The following ASAP1 variants were observed in gnomAD, a reference collection of about 807,000 sequenced individuals.
The protein encoded by ASAP1 is arf-GAP with SH3 domain, ANK repeat and PH domain-containing protein 1.
In ASAP1, 43 loss-of-function variants were observed where a neutral mutation model predicts 145.2. The ratio of observed to expected loss-of-function variants is 0.30; its 90% confidence interval spans 0.23 to 0.38. The LOEUF (loss-of-function observed/expected upper bound fraction) is 0.38. Among genes scored for constraint, ASAP1 ranks in the 10% least tolerant of loss-of-function variants. The pLI is 1.00. For synonymous variants in ASAP1, 546 were observed against 515.5 expected (o/e 1.06, Z -0.80); for missense variants, 1,018 against 1,355.3 (o/e 0.75, Z 3.91).
At chr8:130,102,231 G>A (rs563614027) in intron 24 of ASAP1, among the ~76,000 whole-genome samples, 2 of 152,288 alleles carry the variant, frequency 1.3e-5, no homozygotes, top group East Asian at 3.9e-4. Context: ...TTAGATGTGA[G>A]TTTGTCACAT....
Position 130,357,905 on chromosome 8 carries a change from G to C in ASAP1, c.186+112C>G. ...TATTCACCCGGCGGCTCCCTGAGGGGGTGTGGCGCCCCCGGCCCCCGCGTC... is the reference window on the plus strand; with the variant it reads ...TATTCACCCGGCGGCTCCCTGAGGGCGTGTGGCGCCCCCGGCCCCCGCGTC... On this transcript the variant is annotated intron_variant, in intron 3 of 29. Coordinates refer to ENST00000518721, the MANE Select transcript of ASAP1 (RefSeq NM_018482.4). 4.9e-6 allele frequency: 7 copies of C among 1,418,630 alleles called. No homozygotes were observed. In the South Asian group the frequency reaches 9.1e-5, roughly 18 times the overall value. 87.9% of individuals were successfully genotyped at this position (1,418,630 alleles called of 1,614,324 possible).
chr8:130,241,557 T>A (rs1040118417), intron 3 of ASAP1, among the ~76,000 whole-genome samples: 2 of 152,090 alleles, frequency 1.3e-5, no homozygotes, highest in Non-Finnish European at 2.9e-5. Flanking sequence ...AACAGAGAAG[T>A]AGGCAACATA....
chr8:130,330,300 C>G (rs2137779692), intron 3 of ASAP1, among the ~76,000 whole-genome samples: 1 of 152,366 alleles, frequency 6.6e-6, no homozygotes, highest in South Asian at 2.1e-4. Context: ...TGTCCTCTGC[C>G]TGAAATGTTC....
intron 14 of ASAP1, 52 bp downstream of exon 14, chr8:130,136,899 T>C: frequency 6.9e-7 from 1 of 1,444,792 alleles, no homozygotes; most frequent in Non-Finnish European, 9.8e-7. Flanking sequence ...AATGGAAATG[T>C]GCAGGTGTCA....
At chr8:130,099,100 T>C (rs1303123376) in intron 24 of ASAP1, among the ~76,000 whole-genome samples, 1 of 150,178 alleles carries the variant, frequency 6.7e-6, no homozygotes, top group Non-Finnish European at 1.5e-5. Context: ...AGCCTCAACT[T>C]CCGGGGCTCT....
intron 1 of ASAP1, among the ~76,000 whole-genome samples, chr8:130,441,194 G>A (rs1454933475): frequency 6.6e-6 from 1 of 152,204 alleles, no homozygotes; most frequent in Non-Finnish European, 1.5e-5. Flanking sequence ...CCTCCCACAG[G>A]GAAGCCACTT....
chr8:130,340,943 G>C (rs1825339036), intron 3 of ASAP1: 1 of 449,028 alleles, frequency 2.2e-6, no homozygotes, highest in African/African-American at 2.0e-5. Context: ...TAAAATACTA[G>C]GTTTTTTTTT....
chr8:130,191,187 G>C (rs1815115535), intron 5 of ASAP1, among the ~76,000 whole-genome samples: 1 of 152,102 alleles, frequency 6.6e-6, no homozygotes, highest in Non-Finnish European at 1.5e-5. Context: ...TGGCAGGAGG[G>C]AACCAAGGGA....
chr8:130,230,803 G>A (rs984620892), intron 4 of ASAP1, among the ~76,000 whole-genome samples: 9 of 152,108 alleles, frequency 5.9e-5, no homozygotes, highest in African/African-American at 2.2e-4. Context: ...CTAGAGACAA[G>A]CTGCTTTTGT....
rs549799324 is a variant in ASAP1 at position 130,330,427 on chromosome 8, G to A, written c.186+27590C>T. On this transcript the variant is annotated intron_variant, in intron 3 of 29. Transcript: ENST00000518721. The stretch of plus-strand genomic sequence containing the variant: ...AATCTGAATTATCACAGCTCTGACC[G>A]GTCTATGCTATATTGCAGCTAACCT... Among the ~76,000 whole-genome samples, 63 of 152,318 alleles carry A rather than the reference G, an allele frequency of 4.1e-4. 1 individual carries two copies. In the South Asian group the frequency reaches 9.1e-3, roughly 22 times the overall value.
At chr8:130,139,094 G>A (rs1372589181) in intron 13 of ASAP1, among the ~76,000 whole-genome samples, 1 of 152,168 alleles carries the variant, frequency 6.6e-6, no homozygotes, top group African/African-American at 2.4e-5. Flanking sequence ...TTCCAATTAG[G>A]AAACCACATT....
chr8:130,419,141 C>T (rs1829612379), intron 1 of ASAP1, among the ~76,000 whole-genome samples: 3 of 152,136 alleles, frequency 2.0e-5, no homozygotes, highest in South Asian at 2.1e-4. Flanking sequence ...AGAAAAAAAC[C>T]GAGGCTTCAG....
At chr8:130,145,970 G>A (rs2097628605) in intron 13 of ASAP1, among the ~76,000 whole-genome samples, 1 of 150,984 alleles carries the variant, frequency 6.6e-6, no homozygotes, top group South Asian at 2.1e-4. Context: ...GCCTCCCAAG[G>A]AGCTGGTACA....
intron 3 of ASAP1, among the ~76,000 whole-genome samples, chr8:130,353,715 C>T (rs1163369242): frequency 1.3e-5 from 2 of 152,076 alleles, no homozygotes; most frequent in African/African-American, 4.8e-5. Flanking sequence ...ATTAGAAATA[C>T]AAAAATTAGC....
chr8:130,224,042 T>G (rs1481297836), intron 4 of ASAP1, among the ~76,000 whole-genome samples: 1 of 152,202 alleles, frequency 6.6e-6, no homozygotes, highest in Non-Finnish European at 1.5e-5. Context: ...TGTTTTTCAC[T>G]CTCTTCTTAG....
At position 130,181,103 on chromosome 8, in the gene ASAP1, C is replaced by T. The variant is rs181382221; in HGVS notation, c.531-223G>A. Among the ~76,000 whole-genome samples the T allele has an allele frequency of 1.1e-4, 17 of 152,150 alleles. No individual in the cohort carries two copies. The East Asian group carries it at 3.1e-3, about 28-fold the overall frequency. On this transcript the variant is annotated intron_variant, in intron 7 of 29. Coordinates refer to ENST00000518721, the MANE Select transcript of ASAP1 (RefSeq NM_018482.4). ...TGGGAACTCTCTTGTATCTTCTGCT[C>T]AAGAAGGAAGTCTACTAAAAACAAA...
At chr8:130,307,632 C>T (rs1823073653) in intron 3 of ASAP1, among the ~76,000 whole-genome samples, 1 of 152,218 alleles carries the variant, frequency 6.6e-6, no homozygotes, top group South Asian at 2.1e-4. Flanking sequence ...TAGTGCTGGA[C>T]AATTTAAATG....
chr8:130,123,880 A>C, intron 18 of ASAP1, 133 bp downstream of exon 18: 1 of 620,348 alleles, frequency 1.6e-6, no homozygotes, highest in Non-Finnish European at 2.8e-6. Context: ...CGTTTGCCTC[A>C]GCCTCCCAAA....
chr8:130,064,267 AC>A (rs2097425460), intron 27 of ASAP1, among the ~76,000 whole-genome samples: 1 of 152,296 alleles, frequency 6.6e-6, no homozygotes, highest in African/African-American at 2.4e-5. Context: ...CTAGCTGACA[AC>A]GGTGGAGATG....
Sources: allele counts gnomAD v4.1 joint callset (sites outside exome capture counted in the v4.1 genomes callset), GRCh38; gene constraint gnomAD v4.1.1; transcripts MANE v1.5; gene names NCBI Gene and HGNC (gene_info 2026-07-23, HGNC 2026-07-21).